AGAP1: variants seen among roughly 807,000 people sequenced by gnomAD.
AGAP1 encodes arf-GAP with GTPase, ANK repeat and PH domain-containing protein 1.
Under a neutral mutation model 105.3 loss-of-function variants are expected in AGAP1, and 29 were observed. That is an observed-to-expected ratio of 0.28 (90% CI 0.21 to 0.38). AGAP1 has a LOEUF of 0.38. Among genes scored for constraint, AGAP1 ranks in the 10% least tolerant of loss-of-function variants. The pLI is 1.00. For synonymous variants in AGAP1, 509 were observed against 485.9 expected (o/e 1.05, Z -0.63); for missense variants, 998 against 1,165.1 (o/e 0.86, Z 2.09).
At chr2:235,779,097 C>T (rs1291669168) in intron 6 of AGAP1, among the ~76,000 whole-genome samples, 2 of 152,346 alleles carry the variant, frequency 1.3e-5, no homozygotes, top group East Asian at 1.9e-4. Flanking sequence ...CAGTCAGCTT[C>T]GGCGCTCCCC....
rs1259975064 is a variant in AGAP1, at chr2:235,950,866, G to C, written c.1484-17596G>C. ...GAAATGCTTTAAACTCACAGCAAAT[G>C]TAACTCGGGATCTCCAAGCACTTTT... On this transcript the variant is annotated intron_variant, in intron 12 of 17. Transcript: ENST00000304032. Among the ~76,000 whole-genome samples the C allele has an allele frequency of 1.8e-4, 25 of 138,266 alleles. No individual in the cohort carries two copies. In the Admixed American group the frequency reaches 1.9e-3, roughly 11 times the overall value. The allele number at this position is 138,266 out of a possible 152,430, so 90.7% of individuals were successfully genotyped here.
In AGAP1 at chr2:236,040,932, G is replaced by A. The variant is rs548723978; in HGVS notation, c.1891+91G>A. 6.2e-6 allele frequency: 8 copies of A among 1,299,366 alleles called. No individual in the cohort carries two copies. In the African/African-American group the frequency reaches 8.8e-5, roughly 14 times the overall value. 80.5% of individuals were successfully genotyped at this position (1,299,366 alleles called of 1,614,324 possible). ...CCCGGGTTGCAGGGGACTCACATCT[G>A]TCCTGTTTGGCAGATAAGAGTTAAC... On this transcript the variant is annotated intron_variant, in intron 15 of 17. Transcript: ENST00000304032. The surrounding 1 kb of genome is among the most constrained non-coding windows in gnomAD (Gnocchi z 5.6).
Position 236,051,742 on chromosome 2 carries a change from T to C in AGAP1, c.2114+2461T>C, listed in dbSNP as rs2057904631. 6.6e-6 allele frequency among the ~76,000 whole-genome samples: 1 copy of C among 152,182 alleles called. No homozygotes were observed. The highest frequency in any genetic ancestry group is 1.5e-5 in the Non-Finnish European group (1 of 68,020). ...GAAGGGTTTGTCTATTCATGGGTTC[T>C]GTCTGTCCCACCTGTTCCCAAGAGG... On this transcript the variant is annotated intron_variant, in intron 16 of 17. Coordinates refer to ENST00000304032, the MANE Select transcript of AGAP1 (RefSeq NM_001037131.3). The surrounding 1 kb of genome is among the most constrained non-coding windows in gnomAD (Gnocchi z 5.9).
chr2:235,781,721 A>G (rs1448360564), intron 6 of AGAP1, among the ~76,000 whole-genome samples: 1 of 152,162 alleles, frequency 6.6e-6, no homozygotes, highest in African/African-American at 2.4e-5. Context: ...CTGGAAGGGT[A>G]AGGCCTGAGC....
Position 235,659,821 on chromosome 2 carries a change from C to T in AGAP1, c.164-49358C>T, listed in dbSNP as rs994510543. Among the ~76,000 whole-genome samples the T allele has an allele frequency of 6.6e-6, 1 of 152,224 alleles. No individual in the cohort carries two copies. The highest frequency in any genetic ancestry group is 1.5e-5 in the Non-Finnish European group (1 of 68,054). On this transcript the variant is annotated intron_variant, in intron 1 of 17. Transcript: ENST00000304032. This position sits in a 1 kb window ranked among gnomAD's most constrained non-coding sequence, Gnocchi z 5.0. ...GCCTCTGCAGATAAGCCCTCGGATG[C>T]GAAATCTGGGGAACCAGCCAGCCAC...
In AGAP1 at chr2:236,080,535, A is replaced by G. The variant is rs990419930; in HGVS notation, c.2114+31254A>G. On this transcript the variant is annotated intron_variant, in intron 16 of 17. Transcript: ENST00000304032. This position sits in a 1 kb window ranked among gnomAD's most constrained non-coding sequence, Gnocchi z 4.2. ...TCAATGGATGCCACCAAGGGCAGCC[A>G]CCTGCTGTATCTTGTACACGTTTCA... Among the ~76,000 whole-genome samples, 84 of 152,176 alleles carry G rather than the reference A, an allele frequency of 5.5e-4. No individual in the cohort carries two copies. The highest frequency in any genetic ancestry group is 1.1e-3 in the Non-Finnish European group (77 of 67,992).
chr2:235,585,694 A>G (rs1440311761), intron 1 of AGAP1, among the ~76,000 whole-genome samples: 1 of 152,158 alleles, frequency 6.6e-6, no homozygotes, highest in Non-Finnish European at 1.5e-5. Context: ...ATTTGAGTCC[A>G]TTTTTACTTA....
At chr2:235,790,778 C>T (rs1956929750) in intron 6 of AGAP1, among the ~76,000 whole-genome samples, 1 of 152,218 alleles carries the variant, frequency 6.6e-6, no homozygotes, top group African/African-American at 2.4e-5. Flanking sequence ...CAGGCAGGCC[C>T]TGGCCCCGGG....
At chr2:236,079,855 C>T (rs1458457636) in intron 16 of AGAP1, among the ~76,000 whole-genome samples, 1 of 152,192 alleles carries the variant, frequency 6.6e-6, no homozygotes, top group African/African-American at 2.4e-5. Flanking sequence ...GCACTGGTTA[C>T]CAGGGAATGA....
intron 1 of AGAP1, among the ~76,000 whole-genome samples, chr2:235,628,956 C>T (rs575602848): frequency 9.9e-5 from 15 of 152,138 alleles, no homozygotes; most frequent in Admixed American, 8.5e-4. Context: ...GGATTACAGG[C>T]GCCTGCCACC....
intron 1 of AGAP1, among the ~76,000 whole-genome samples, chr2:235,673,131 A>G (rs1010530038): frequency 6.6e-6 from 1 of 152,244 alleles, no homozygotes; most frequent in Non-Finnish European, 1.5e-5. Flanking sequence ...TTTGGCTAAA[A>G]TGTCTGACAT....
chr2:236,047,871 G>T (rs1413425973), intron 15 of AGAP1, among the ~76,000 whole-genome samples: 2 of 151,524 alleles, frequency 1.3e-5, no homozygotes, highest in Non-Finnish European at 2.9e-5. Flanking sequence ...CAAAGTGCTG[G>T]GATTACAGGC....
chr2:236,061,494 C>T lies in AGAP1; in HGVS notation c.2114+12213C>T, dbSNP rs2058193730. Among the ~76,000 whole-genome samples the T allele has an allele frequency of 6.6e-6, 1 of 152,164 alleles. No individual in the cohort carries two copies. The highest frequency in any genetic ancestry group is 6.5e-5 in the Admixed American group (1 of 15,270). On this transcript the variant is annotated intron_variant, in intron 16 of 17. Coordinates refer to ENST00000304032, the MANE Select transcript of AGAP1 (RefSeq NM_001037131.3). The surrounding 1 kb of genome is among the most constrained non-coding windows in gnomAD (Gnocchi z 4.1). ...AATGGGTGAACAAAACATGGTCTGT[C>T]CGTACACCAGAACGTGATTCTGCCA...
At chr2:235,653,521 TAAC>T (rs1947678013) in intron 1 of AGAP1, among the ~76,000 whole-genome samples, 1 of 151,406 alleles carries the variant, frequency 6.6e-6, no homozygotes, top group Non-Finnish European at 1.5e-5. Flanking sequence ...TAACATAACA[TAAC>T]ATAAAATAAA....
At chr2:236,057,232 C>T (rs1286535842) in intron 16 of AGAP1, among the ~76,000 whole-genome samples, 1 of 152,188 alleles carries the variant, frequency 6.6e-6, no homozygotes, top group African/African-American at 2.4e-5. Context: ...CCTCAACCTC[C>T]CAGGTATCTG....
intron 9 of AGAP1, among the ~76,000 whole-genome samples, chr2:235,868,575 G>A (rs965104021): frequency 1.3e-5 from 2 of 152,134 alleles, no homozygotes; most frequent in East Asian, 1.9e-4. Context: ...AGCAGAGGCC[G>A]GCACCATTTG....
intron 9 of AGAP1, among the ~76,000 whole-genome samples, chr2:235,869,420 T>TAAAAAAAAAAAAAAAAAAAA (rs35813316): frequency 2.0e-5 from 1 of 49,946 alleles, no homozygotes; most frequent in Non-Finnish European, 3.7e-5. Context: ...CCATCTCTAC[T>TAAAAAAAAAAAAAAAAAAAA]AAAAAAAAAA....
rs949579896 is a variant in AGAP1 at position 235,577,218 on chromosome 2, C to T, written c.163+82369C>T. Among the ~76,000 whole-genome samples, 26 of 152,104 alleles carry T rather than the reference C, an allele frequency of 1.7e-4. No individual in the cohort carries two copies. The highest frequency in any genetic ancestry group is 3.7e-4 in the Non-Finnish European group (25 of 68,022). On this transcript the variant is annotated intron_variant, in intron 1 of 17. Transcript: ENST00000304032. This position sits in a 1 kb window ranked among gnomAD's most constrained non-coding sequence, Gnocchi z 4.5. ...AATAAACTGTTTAATCCAACATATC[C>T]AAAATATTATCCTTTCATTGCAATT...
In AGAP1 at chr2:235,552,379, A is replaced by G. The variant is rs1157752293; in HGVS notation, c.163+57530A>G. On this transcript the variant is annotated intron_variant, in intron 1 of 17. Transcript: ENST00000304032. This position sits in a 1 kb window ranked among gnomAD's most constrained non-coding sequence, Gnocchi z 5.9. ...TTGGTGTCGTTATAATGCAAGTGGG[A>G]TTTCATTATGTGTTTAAGGCTTGGC... Among the ~76,000 whole-genome samples the G allele has an allele frequency of 1.3e-5, 2 of 152,114 alleles. No homozygotes were observed. Among genetic ancestry groups the G allele is most frequent in the East Asian group, 3.9e-4 (2 of 5,194 alleles).
Sources: gnomAD v4.1 joint callset for allele counts (sites outside exome capture counted in the v4.1 genomes callset) on GRCh38, gnomAD v4.1.1 for gene constraint, Gnocchi (gnomAD v3.1) non-coding constraint, MANE v1.5 for transcripts, NCBI Gene and HGNC (gene_info 2026-07-23, HGNC 2026-07-21) for gene names.